The following ITFG2 variants were observed in gnomAD, a reference collection of about 807,000 sequenced individuals.
ITFG2 encodes the protein KICSTOR complex protein ITFG2.
In ITFG2, 36 loss-of-function variants were observed where a neutral mutation model predicts 54.4. The ratio of observed to expected loss-of-function variants is 0.66; its 90% confidence interval spans 0.51 to 0.87. The LOEUF (loss-of-function observed/expected upper bound fraction) is 0.87, where lower values mean the gene tolerates loss of function less well. Ranked by LOEUF, ITFG2 falls within the 40% of genes least tolerant of loss-of-function variation. The pLI is 0.00. For synonymous variants in ITFG2, 211 were observed against 225.4 expected (o/e 0.94, Z 0.57); for missense variants, 524 against 576.7 (o/e 0.91, Z 0.94).
chr12:2,847,717 C>G (rs1363725568), intron 2 of ITFG2, among the ~76,000 whole-genome samples: 1 of 151,534 alleles, frequency 6.6e-6, no homozygotes, highest in Non-Finnish European at 1.5e-5. Flanking sequence ...CATGCCCTTC[C>G]TCCAAGCCCC....
intron 3 of ITFG2, chr12:2,859,452 G>A: frequency 6.2e-7 from 1 of 1,614,018 alleles, no homozygotes; most frequent in East Asian, 2.2e-5. Flanking sequence ...CTCTTTGAAA[G>A]ATGGGGCCGG....
intron 2 of ITFG2, among the ~76,000 whole-genome samples, chr12:2,842,124 T>TTC (rs2098042741): frequency 7.2e-6 from 1 of 138,582 alleles, no homozygotes; most frequent in East Asian, 2.1e-4. Context: ...TTGTTTCTTT[T>TTC]TTTTTTTTTT....
intron 1 of ITFG2, among the ~76,000 whole-genome samples, chr12:2,816,083 T>G (rs1414649781): frequency 2.1e-4 from 32 of 148,936 alleles, no homozygotes; most frequent in Non-Finnish European, 4.0e-4. Context: ...CAGGCTGGAG[T>G]GCAGTGGCAC....
chr12:2,821,110 T>G (rs2097942640), intron 6 of ITFG2, 152 bp from the exon 7 acceptor site: 2 of 738,736 alleles, frequency 2.7e-6, no homozygotes, highest in East Asian at 5.4e-5. Context: ...CATCCCTGTC[T>G]TTTCTGTTTG....
chr12:2,830,952 C>G (rs545604148), downstream of ITFG2: 169 of 1,359,772 alleles, frequency 1.2e-4, 1 homozygote, highest in African/African-American at 2.3e-3. Context: ...CAGGATGCTC[C>G]CCCCACCCCC....
chr12:2,819,480 AAT>A, intron 4 of ITFG2, among the ~76,000 whole-genome samples: 1 of 152,074 alleles, frequency 6.6e-6, no homozygotes, highest in East Asian at 1.9e-4. Flanking sequence ...AAAAAAAAAA[AAT>A]GAGCTGAGCG....
intron 2 of ITFG2, among the ~76,000 whole-genome samples, chr12:2,848,845 G>A (rs1206239344): frequency 6.7e-6 from 1 of 150,154 alleles, no homozygotes; most frequent in Non-Finnish European, 1.5e-5. Flanking sequence ...TTCTTACAGT[G>A]CCTCTTCCCC....
intron 6 of ITFG2, 96 bp downstream of exon 6, chr12:2,820,968 A>C (rs2097942166): frequency 7.5e-7 from 1 of 1,329,352 alleles, no homozygotes; most frequent in South Asian, 1.3e-5. Context: ...TGCAGTTGGC[A>C]GAGCTGCCTC....
chr12:2,836,801 G>C (rs1373114969), upstream of ITFG2: 1 of 152,254 alleles, frequency 6.6e-6, no homozygotes, highest in Non-Finnish European at 1.5e-5. Context: ...TGAAGGCTGA[G>C]GTCGGGATAA....
downstream of ITFG2, chr12:2,827,271 A>G (rs1183922339): frequency 6.2e-7 from 1 of 1,614,076 alleles, no homozygotes; most frequent in Non-Finnish European, 8.5e-7. The surrounding 1 kb of genome is among the most constrained non-coding windows in gnomAD (Gnocchi z 4.0). Flanking sequence ...TTTCAGCCGC[A>G]GCACTCCGTG....
downstream of ITFG2, among the ~76,000 whole-genome samples, chr12:2,831,751 T>C (rs1483260349): frequency 1.3e-5 from 2 of 151,952 alleles, no homozygotes; most frequent in Non-Finnish European, 2.9e-5. Context: ...TTCTCTCTCT[T>C]CTTTCTTTTC....
At position 2,824,925 on chromosome 12, in the gene ITFG2, A is replaced by G. The variant is rs1445821808; in HGVS notation, c.*732A>G. 1 of 152,346 alleles carries G rather than the reference A, an allele frequency of 6.6e-6. No individual in the cohort carries two copies. Among genetic ancestry groups the G allele is most frequent in the Non-Finnish European group, 1.5e-5 (1 of 68,202 alleles). The allele number at this position is 152,346 out of a possible 1,614,324, so 9.4% of individuals were successfully genotyped here. Reference sequence around the variant, plus strand: ...TATGATCCAGACCACAATCAGAATTATATCTTGGGTCATTTATGTGCCGTC... The same window carrying G: ...TATGATCCAGACCACAATCAGAATTGTATCTTGGGTCATTTATGTGCCGTC... On this transcript the variant is annotated 3_prime_UTR_variant, in exon 12 of 12. Coordinates refer to ENST00000228799, the MANE Select transcript of ITFG2 (RefSeq NM_018463.4).
intron 6 of ITFG2, 104 bp downstream of exon 6, chr12:2,820,976 C>T (rs71458020): frequency 1.6e-6 from 2 of 1,233,814 alleles, no homozygotes; most frequent in Admixed American, 2.1e-5. Context: ...GCAGAGCTGC[C>T]TCATCTAGGT....
intron 2 of ITFG2, 55 bp from the exon 3 acceptor site, chr12:2,817,854 C>T (rs2097926880): frequency 6.6e-7 from 1 of 1,525,430 alleles, no homozygotes; most frequent in Admixed American, 2.0e-5. Flanking sequence ...TCACAGAGAT[C>T]AGGGAGTACT....
intron 3 of ITFG2, chr12:2,858,340 C>A: frequency 2.6e-6 from 1 of 379,046 alleles, no homozygotes; most frequent in Non-Finnish European, 4.8e-6. Context: ...AGGTAAGAGA[C>A]TGCTGGGCAG....
rs564046619 is a variant in ITFG2, at chr12:2,853,570, G to A, written n.301-4442G>A. On this transcript the variant is annotated intron_variant and non_coding_transcript_variant, in intron 2 of 3. Transcript: ENST00000537710. ...TTACAGGCGTGAGCCACCAGGCCCGGCCTGTTTTTTTTGTTGTTGTTGTTG... is the reference window on the plus strand; with the variant it reads ...TTACAGGCGTGAGCCACCAGGCCCGACCTGTTTTTTTTGTTGTTGTTGTTG... Among the ~76,000 whole-genome samples, 4 of 151,990 alleles carry A rather than the reference G, an allele frequency of 2.6e-5. No homozygotes were observed. The South Asian group carries it at 8.3e-4, about 32-fold the overall frequency.
In ITFG2 at chr12:2,820,089, G is replaced by A. The variant is rs781245944; in HGVS notation, c.410G>A (p.Gly137Glu). 1.2e-6 allele frequency: 2 copies of A among 1,607,246 alleles called. No individual in the cohort carries two copies. Among genetic ancestry groups the A allele is most frequent in the South Asian group, 1.1e-5 (1 of 90,006 alleles). ...TKVMLISDID[G>E]DGCRELVVGY... The stretch of plus-strand genomic sequence containing the variant: ...ATCTTGTCTTTCATGCCCACAGATG[G>A]AGATGGGTGTCGTGAGCTGGTGGTG... Residue 137 changes from glycine to glutamate, a missense_variant, in exon 5 of 12, where the codon GGA becomes GAA. Physicochemically the swap from Gly to Glu is moderately conservative, Grantham distance 98 (BLOSUM62 -2). Coordinates refer to ENST00000228799, the MANE Select transcript of ITFG2 (RefSeq NM_018463.4).
intron 2 of ITFG2, among the ~76,000 whole-genome samples, chr12:2,847,828 C>T (rs1177094842): frequency 6.6e-6 from 1 of 152,184 alleles, no homozygotes; most frequent in Non-Finnish European, 1.5e-5. Flanking sequence ...TTGTGTCTGG[C>T]TTCTTTCACT....
At chr12:2,818,423 A>G in intron 4 of ITFG2, 146 bp downstream of exon 4, 1 of 1,475,450 alleles carries the variant, frequency 6.8e-7, no homozygotes. Context: ...GCCAGGCATC[A>G]CTCAAGGCAC....
Sources: gnomAD v4.1 joint callset for allele counts (sites outside exome capture counted in the v4.1 genomes callset) on GRCh38, gnomAD v4.1.1 for gene constraint, Gnocchi (gnomAD v3.1) non-coding constraint, MANE v1.5 for transcripts, NCBI Gene and HGNC (gene_info 2026-07-23, HGNC 2026-07-21) for gene names.